GMPR2: variants seen among roughly 807,000 people sequenced by gnomAD.
GMPR2 encodes guanosine monophosphate reductase 2, also known as GMP reductase 2.
In GMPR2, 32 loss-of-function variants were observed where a neutral mutation model predicts 38.5. The ratio of observed to expected loss-of-function variants is 0.83; its 90% confidence interval spans 0.63 to 1.12. GMPR2 has a LOEUF of 1.12. Ranked by LOEUF, GMPR2 falls within the 50% of genes most tolerant of loss-of-function variation. The pLI is 0.00. For missense variants in GMPR2, 396 were observed against 432.1 expected (o/e 0.92, Z 0.74); for synonymous variants, 154 against 151.0 (o/e 1.02, Z -0.15).
intron 3 of GMPR2, chr14:24,234,390 G>T: frequency 2.7e-6 from 1 of 369,918 alleles, no homozygotes; most frequent in South Asian, 2.4e-5. Flanking sequence ...GTGTCTTTGT[G>T]GAATGTCTTG....
Position 24,235,791 on chromosome 14 carries a change from TTTGCTGGC to T in GMPR2, c.263_270del (p.Phe88SerfsTer4). 1 of 1,613,624 alleles carries T rather than the reference TTTGCTGGC, an allele frequency of 6.2e-7. No individual in the cohort carries two copies. The highest frequency in any genetic ancestry group is 8.5e-7 in the Non-Finnish European group (1 of 1,179,586). Reference sequence around the variant, plus strand: ...CTATAGCCTCGTTCAGTGGCAAGAGTTTGCTGGCCAGAATCCTGACTGTCTTGAGGTAA... The same window carrying T: ...CTATAGCCTCGTTCAGTGGCAAGAGTCAGAATCCTGACTGTCTTGAGGTAA... On this transcript the variant is annotated frameshift_variant, in exon 4 of 10. Transcript: ENST00000399440. LOFTEE classifies it high-confidence loss of function.
rs2040405182 is a variant in GMPR2, at chr14:24,237,504, G to C, written c.655-16G>C. On this transcript the variant is annotated splice_polypyrimidine_tract_variant and intron_variant, in intron 7 of 9. Coordinates refer to ENST00000399440, the MANE Select transcript of GMPR2 (RefSeq NM_001002002.3). ...GGGAAATCCATGTTGTATTCATAGT[G>C]CTCCTTACTTTGCAGGATGGAGGTT... 1 of 1,613,078 alleles carries C rather than the reference G, an allele frequency of 6.2e-7. No homozygotes were observed. The highest frequency in any genetic ancestry group is 1.3e-5 in the African/African-American group (1 of 74,886).
intron 5 of GMPR2, 99 bp downstream of exon 5, chr14:24,236,239 T>A (rs569799698): frequency 1.2e-6 from 1 of 838,560 alleles, no homozygotes; most frequent in African/African-American, 1.7e-5. Flanking sequence ...ATTATGATAT[T>A]CCTAGTTCAT....
rs115683293 is a variant in GMPR2, at chr14:24,237,718, C to T, written c.697+156C>T. 2.4e-4 allele frequency: 165 copies of T among 692,406 alleles called. No individual in the cohort carries two copies. The African/African-American group carries it at 2.7e-3, about 11-fold the overall frequency. The allele number at this position is 692,406 out of a possible 1,614,324, so 42.9% of individuals were successfully genotyped here. On this transcript the variant is annotated intron_variant, in intron 8 of 9. Coordinates refer to ENST00000399440, the MANE Select transcript of GMPR2 (RefSeq NM_001002002.3). ...AAGTCTATGGTATCATCTGGGGCAG[C>T]CAGCAGGGGACATCTGAGACTCCAA...
At chr14:24,235,695 T>C in intron 3 of GMPR2, 42 bp from the exon 4 acceptor site, 1 of 1,331,416 alleles carries the variant, frequency 7.5e-7, no homozygotes, top group Non-Finnish European at 1.1e-6. Flanking sequence ...GAGACCTTAA[T>C]AAAGTTTTCT....
Position 24,238,303 on chromosome 14 carries a change from G to A in GMPR2, c.755G>A (p.Gly252Asp). Residue 252 changes from glycine (G) to aspartate (D), a missense_variant, in exon 9 of 10, where the codon GGT becomes GAT. Gly to Asp is a moderately conservative substitution (Grantham distance 94). Transcript: ENST00000399440. ...ATGCTGGCTGGGCACAGTGAGTCAG[G>A]TGGTGAGCTCATCGAGAGGGATGGC... ...GGMLAGHSESGGELIERDGKK... is the reference protein window; with the variant it reads ...GGMLAGHSESDGELIERDGKK... The A allele has an allele frequency of 6.2e-7, 1 of 1,614,166 alleles. No individual in the cohort carries two copies. The highest frequency in any genetic ancestry group is 8.5e-7 in the Non-Finnish European group (1 of 1,180,016).
At chr14:24,237,710 T>A in intron 8 of GMPR2, 148 bp downstream of exon 8, 1 of 737,580 alleles carries the variant, frequency 1.4e-6, no homozygotes, top group South Asian at 1.7e-5. Context: ...TGGTATCATC[T>A]GGGGCAGCCA....
intron 1 of GMPR2, 65 bp downstream of exon 1, chr14:24,233,042 C>A: frequency 1.4e-6 from 1 of 707,694 alleles, no homozygotes; most frequent in Non-Finnish European, 2.4e-6. Flanking sequence ...ACAAACAGTA[C>A]CTGGGATGGA....
In GMPR2 at chr14:24,238,703, CA is replaced by C; in HGVS notation, c.975del (p.Glu326SerfsTer2). 2 of 1,613,954 alleles carry C rather than the reference CA, an allele frequency of 1.2e-6. No individual in the cohort carries two copies. The highest frequency in any genetic ancestry group is 1.7e-6 in the Non-Finnish European group (2 of 1,179,940). On this transcript the variant is annotated frameshift_variant, in exon 10 of 10. Transcript: ENST00000399440. LOFTEE classifies it high-confidence loss of function. ...TCTYVGAAKL[K>X]ELSRRTTFIR... ...GTACCTATGTGGGAGCAGCTAAGCT[CA>C]AAGAGTTGAGCAGGAGAACTACCTT...
At chr14:24,233,125 G>A (rs1214544523) in intron 1 of GMPR2, 94 bp from the exon 2 acceptor site, 13 of 1,566,014 alleles carry the variant, frequency 8.3e-6, no homozygotes, top group Non-Finnish European at 1.1e-5. Context: ...GCCTTTGCCC[G>A]ACCTTCCACA....
intron 3 of GMPR2, 90 bp downstream of exon 3, chr14:24,233,688 C>T (rs2040191522): frequency 4.3e-6 from 6 of 1,402,320 alleles, no homozygotes; most frequent in African/African-American, 1.4e-5. Flanking sequence ...CATGCCCAGT[C>T]AGTTCTCTGG....
At chr14:24,234,502 G>T (rs187368256) in intron 3 of GMPR2, among the ~76,000 whole-genome samples, 6 of 152,318 alleles carry the variant, frequency 3.9e-5, no homozygotes, top group African/African-American at 1.2e-4. Flanking sequence ...CTGTCCATCT[G>T]CCCTGACCAG....
At chr14:24,237,727 G>A in intron 8 of GMPR2, 165 bp downstream of exon 8, 1 of 656,716 alleles carries the variant, frequency 1.5e-6, no homozygotes, top group African/African-American at 1.8e-5. Flanking sequence ...GCCAGCAGGG[G>A]ACATCTGAGA....
In GMPR2 at chr14:24,238,305, G is replaced by C; in HGVS notation, c.757G>C (p.Gly253Arg). The C allele has an allele frequency of 6.2e-7, 1 of 1,614,134 alleles. No homozygotes were observed. The highest frequency in any genetic ancestry group is 1.3e-5 in the African/African-American group (1 of 75,032). The change falls in exon 9 of 10, where the codon GGT becomes CGT. Residue 253 changes from glycine to arginine, a missense_variant. Gly to Arg is a moderately radical substitution (Grantham distance 125). Transcript: ENST00000399440. ...GMLAGHSESGGELIERDGKKY... is the reference protein window; with the variant it reads ...GMLAGHSESGRELIERDGKKY... Reference sequence around the variant, plus strand: ...GCTGGCTGGGCACAGTGAGTCAGGTGGTGAGCTCATCGAGAGGGATGGCAA... The same window carrying C: ...GCTGGCTGGGCACAGTGAGTCAGGTCGTGAGCTCATCGAGAGGGATGGCAA...
intron 3 of GMPR2, 51 bp from the exon 4 acceptor site, chr14:24,235,686 A>T (rs2138960302): frequency 1.7e-6 from 2 of 1,196,732 alleles, no homozygotes; most frequent in Non-Finnish European, 2.5e-6. Flanking sequence ...TCTAGAAAAG[A>T]GACCTTAATA....
chr14:24,239,114 G>C lies in GMPR2; in HGVS notation c.*336G>C. 2.3e-6 allele frequency: 1 copy of C among 436,512 alleles called. No individual in the cohort carries two copies. The highest frequency in any genetic ancestry group is 4.5e-6 in the Non-Finnish European group (1 of 222,428). 27.0% of individuals were successfully genotyped at this position (436,512 alleles called of 1,614,324 possible). A position where few individuals can be genotyped will look rare whatever the true frequency, so the allele number is the denominator to read the frequency against. On this transcript the variant is annotated 3_prime_UTR_variant, in exon 10 of 10. Transcript: ENST00000399440. Reference sequence around the variant, plus strand: ...ATCTTTTACATGGCCTTGGTCTAGAGGAGGCAGGCTTTTAGAATCATGTTT... The same window carrying C: ...ATCTTTTACATGGCCTTGGTCTAGACGAGGCAGGCTTTTAGAATCATGTTT...
chr14:24,238,306 G>C lies in GMPR2; in HGVS notation c.758G>C (p.Gly253Ala). ...GMLAGHSESGGELIERDGKKY... is the reference protein window; with the variant it reads ...GMLAGHSESGAELIERDGKKY... ...CTGGCTGGGCACAGTGAGTCAGGTGGTGAGCTCATCGAGAGGGATGGCAAG... is the reference window on the plus strand; with the variant it reads ...CTGGCTGGGCACAGTGAGTCAGGTGCTGAGCTCATCGAGAGGGATGGCAAG... Residue 253 changes from glycine to alanine, a missense_variant, in exon 9 of 10, where the codon GGT (glycine) becomes GCT (alanine). Coordinates refer to ENST00000399440, the MANE Select transcript of GMPR2 (RefSeq NM_001002002.3). 6.2e-7 allele frequency: 1 copy of C among 1,614,154 alleles called. No individual in the cohort carries two copies. The highest frequency in any genetic ancestry group is 8.5e-7 in the Non-Finnish European group (1 of 1,180,012).
rs2040383331 is a variant in GMPR2, at chr14:24,237,162, T to C, written c.547+10T>C. Reference sequence around the variant, plus strand: ...GTGGGAATTGGGCCAGGTAAGCTGGTTCATTGGGGCCACTGGCTACCCCCC... The same window carrying C: ...GTGGGAATTGGGCCAGGTAAGCTGGCTCATTGGGGCCACTGGCTACCCCCC... On this transcript the variant is annotated intron_variant, in intron 6 of 9. Coordinates refer to ENST00000399440, the MANE Select transcript of GMPR2 (RefSeq NM_001002002.3). The C allele has an allele frequency of 6.3e-7, 1 of 1,584,056 alleles. No individual in the cohort carries two copies. The highest frequency in any genetic ancestry group is 1.3e-5 in the African/African-American group (1 of 74,274).
upstream of GMPR2, chr14:24,232,779 A>C: frequency 4.3e-6 from 1 of 230,740 alleles, no homozygotes; most frequent in African/African-American, 2.3e-5. Context: ...GCTTAGCGGG[A>C]TTGCACGAGG....
Sources: allele counts gnomAD v4.1 joint callset (sites outside exome capture counted in the v4.1 genomes callset), GRCh38; gene constraint gnomAD v4.1.1; transcripts MANE v1.5; gene names NCBI Gene and HGNC (gene_info 2026-07-23, HGNC 2026-07-21).